The following CGRRF1 variants were observed in gnomAD, a reference collection of about 807,000 sequenced individuals.
The protein encoded by CGRRF1 is cell growth regulator with ring finger domain 1, also known as cell growth regulator with RING finger domain protein 1.
Under a neutral mutation model 37.2 loss-of-function variants are expected in CGRRF1, and 32 were observed. That is an observed-to-expected ratio of 0.86 (90% CI 0.65 to 1.16). The LOEUF (loss-of-function observed/expected upper bound fraction) is 1.16. CGRRF1 is among the 50% of genes most tolerant of loss of function. The pLI, the probability that CGRRF1 is intolerant of heterozygous loss-of-function variation, is 0.00. For synonymous variants in CGRRF1, 141 were observed against 140.3 expected (o/e 1.00, Z -0.04); for missense variants, 391 against 382.6 (o/e 1.02, Z -0.18).
At chr14:54,517,509 G>A (rs931485098) in intron 1 of CGRRF1, among the ~76,000 whole-genome samples, 2 of 152,094 alleles carry the variant, frequency 1.3e-5, no homozygotes, top group African/African-American at 2.4e-5. Context: ...AATTTTAGTG[G>A]AAGATTCGTT....
chr14:54,533,233 T>C (rs1397660448), intron 4 of CGRRF1, among the ~76,000 whole-genome samples: 3 of 152,182 alleles, frequency 2.0e-5, no homozygotes, highest in African/African-American at 7.2e-5. Flanking sequence ...AGTGGCCTTT[T>C]AGGCCAGAGA....
chr14:54,532,710 A>G (rs1207899220), intron 4 of CGRRF1, among the ~76,000 whole-genome samples: 2 of 152,006 alleles, frequency 1.3e-5, no homozygotes, highest in Non-Finnish European at 2.9e-5. Context: ...GTAAAAAAAA[A>G]AAAAAAAAGT....
chr14:54,529,975 T>A, intron 2 of CGRRF1, 74 bp from the exon 3 acceptor site: 1 of 1,260,850 alleles, frequency 7.9e-7, no homozygotes, highest in South Asian at 1.5e-5. Flanking sequence ...AGGAAGCTTT[T>A]GTTACTCACC....
At chr14:54,535,230 A>G (rs763805621) in intron 4 of CGRRF1, among the ~76,000 whole-genome samples, 2 of 151,750 alleles carry the variant, frequency 1.3e-5, no homozygotes, top group African/African-American at 2.4e-5. Flanking sequence ...TTCACAACCA[A>G]TTTTCTTCTC....
intron 2 of CGRRF1, 59 bp from the exon 3 acceptor site, chr14:54,529,990 A>C: frequency 7.2e-7 from 1 of 1,398,500 alleles, no homozygotes; most frequent in Non-Finnish European, 1.0e-6. Flanking sequence ...CTCACCCTGT[A>C]TGATTGTATT....
intron 1 of CGRRF1, among the ~76,000 whole-genome samples, chr14:54,518,087 G>A (rs2032246920): frequency 6.6e-6 from 1 of 152,086 alleles, no homozygotes; most frequent in South Asian, 2.1e-4. Context: ...ATTAATATAT[G>A]CATGCATGTA....
At chr14:54,520,326 G>A (rs1487323195) in intron 1 of CGRRF1, among the ~76,000 whole-genome samples, 1 of 151,946 alleles carries the variant, frequency 6.6e-6, no homozygotes, top group Non-Finnish European at 1.5e-5. Flanking sequence ...GTAGAGACGG[G>A]ATTTCACTGT....
At chr14:54,524,789 G>T (rs1031223159) in intron 2 of CGRRF1, among the ~76,000 whole-genome samples, 2 of 151,894 alleles carry the variant, frequency 1.3e-5, no homozygotes, top group East Asian at 3.9e-4. Flanking sequence ...TCCCCTCCCC[G>T]CTCCTTCCCT....
intron 4 of CGRRF1, among the ~76,000 whole-genome samples, chr14:54,532,020 A>G (rs1004134887): frequency 6.6e-6 from 1 of 152,226 alleles, no homozygotes; most frequent in Non-Finnish European, 1.5e-5. Context: ...TTCTTAGGAC[A>G]GGGCAAATAT....
intron 1 of CGRRF1, among the ~76,000 whole-genome samples, chr14:54,510,672 G>T (rs1400188498): frequency 1.3e-5 from 2 of 152,224 alleles, no homozygotes; most frequent in Non-Finnish European, 2.9e-5. Flanking sequence ...TTAGAAATAT[G>T]TAACACCGAG....
chr14:54,531,536 A>G (rs2032514224), intron 4 of CGRRF1, among the ~76,000 whole-genome samples: 1 of 152,186 alleles, frequency 6.6e-6, no homozygotes, highest in Non-Finnish European at 1.5e-5. Context: ...CATGTTTAGC[A>G]GTGAATAAAT....
At chr14:54,528,206 C>CTT (rs758797153) in intron 2 of CGRRF1, among the ~76,000 whole-genome samples, 54 of 96,252 alleles carry the variant, frequency 5.6e-4, no homozygotes, top group Non-Finnish European at 7.8e-4. Context: ...TACCTCAATT[C>CTT]TTTTTTTTTT....
Position 54,539,045 on chromosome 14 carries a change from T to C in CGRRF1, c.*662T>C, listed in dbSNP as rs910163152. ...TATATAAAATTCGGATAATAAGATTTTTTGGATAATTAAATTTATTAAATT... is the reference window on the plus strand; with the variant it reads ...TATATAAAATTCGGATAATAAGATTCTTTGGATAATTAAATTTATTAAATT... On this transcript the variant is annotated 3_prime_UTR_variant, in exon 6 of 6. Transcript: ENST00000216420. The C allele has an allele frequency of 6.6e-6, 1 of 152,152 alleles. No homozygotes were observed. Among genetic ancestry groups the C allele is most frequent in the Non-Finnish European group, 1.5e-5 (1 of 68,016 alleles). 9.4% of individuals were successfully genotyped at this position (152,152 alleles called of 1,614,324 possible). A position where few individuals can be genotyped will look rare whatever the true frequency, so the allele number is the denominator to read the frequency against.
In CGRRF1 at chr14:54,533,719, A is replaced by AT. The variant is rs79365749; in HGVS notation, c.570+2671dup. Among the ~76,000 whole-genome samples the AT allele has an allele frequency of 5.7e-4, 86 of 152,196 alleles. No individual in the cohort carries two copies. The East Asian group carries it at 0.016, about 28-fold the overall frequency. Reference sequence around the variant, plus strand: ...GTTAGGAACCACTTTGTTGTTTTAGATTAAAAAAAGGAAAGCAGGAATTGT... The same window carrying AT: ...GTTAGGAACCACTTTGTTGTTTTAGATTTAAAAAAAGGAAAGCAGGAATTGT... On this transcript the variant is annotated intron_variant, in intron 4 of 5. Coordinates refer to ENST00000216420, the MANE Select transcript of CGRRF1 (RefSeq NM_006568.3).
Position 54,522,540 on chromosome 14 carries a change from T to C in CGRRF1, c.191T>C (p.Val64Ala). ...GTTTTCAAAAAGCAAATGAGACAAG[T>C]CAAGAATCCTTTTGGCTTAGAGATC... is the stretch of plus-strand genomic sequence containing the variant. ...TRVFKKQMRQ[V>A]KNPFGLEITN... The change falls in exon 2 of 6, where the codon GTC (valine) becomes GCC (alanine). Residue 64 changes from valine to alanine, a missense_variant. Transcript: ENST00000216420. 6.2e-7 allele frequency: 1 copy of C among 1,606,566 alleles called. No individual in the cohort carries two copies. Among genetic ancestry groups the C allele is most frequent in the South Asian group, 1.1e-5 (1 of 89,416 alleles).
intron 4 of CGRRF1, among the ~76,000 whole-genome samples, chr14:54,532,487 C>CAAA (rs1206586401): frequency 6.6e-6 from 1 of 151,418 alleles, no homozygotes; most frequent in Non-Finnish European, 1.5e-5. Flanking sequence ...TTGCCACATG[C>CAAA]AAAAAAAGTG....
chr14:54,521,944 A>G (rs2032324054), intron 1 of CGRRF1, among the ~76,000 whole-genome samples: 1 of 152,238 alleles, frequency 6.6e-6, no homozygotes, highest in African/African-American at 2.4e-5. Flanking sequence ...AGTATTAACA[A>G]TAGAACTCTT....
chr14:54,513,188 G>A lies in CGRRF1; in HGVS notation c.104+3125G>A, dbSNP rs181375188. Among the ~76,000 whole-genome samples, 523 of 152,268 alleles carry A rather than the reference G, an allele frequency of 3.4e-3. 10 individuals are homozygous for A. The highest frequency in any genetic ancestry group is 1.5e-3 in the Non-Finnish European group (101 of 68,026). Reference sequence around the variant, plus strand: ...AAACTTTCAAAGATAGAATTTGGGGGCATCGGTTTGGTAATTTCTTTAGCT... The same window carrying A: ...AAACTTTCAAAGATAGAATTTGGGGACATCGGTTTGGTAATTTCTTTAGCT... On this transcript the variant is annotated intron_variant, in intron 1 of 5. Coordinates refer to ENST00000216420, the MANE Select transcript of CGRRF1 (RefSeq NM_006568.3).
At chr14:54,518,619 A>AT (rs1439526170) in intron 1 of CGRRF1, among the ~76,000 whole-genome samples, 2 of 150,996 alleles carry the variant, frequency 1.3e-5, no homozygotes, top group African/African-American at 4.9e-5. Context: ...TTGTTTCTGG[A>AT]TTTTTTTAAT....
Sources: gnomAD v4.1 joint callset for allele counts (sites outside exome capture counted in the v4.1 genomes callset) on GRCh38, gnomAD v4.1.1 for gene constraint, MANE v1.5 for transcripts, NCBI Gene and HGNC (gene_info 2026-07-23, HGNC 2026-07-21) for gene names.